VCP: variants seen among roughly 807,000 people sequenced by gnomAD.
The protein encoded by VCP is valosin containing protein, also known as transitional endoplasmic reticulum ATPase.
A neutral mutation model predicts 85.7 loss-of-function variants in VCP; 6 were observed. The observed-to-expected ratio is 0.07, with a 90% CI of 0.04 to 0.14. The LOEUF is 0.14. Among genes scored for constraint, VCP ranks in the 10% least tolerant of loss-of-function variants. The probability of loss-of-function intolerance (pLI) is 1.00; values close to 1 mark genes in which losing one functional copy is unlikely to be tolerated. For missense variants in VCP, 353 were observed against 1,043.4 expected, an observed-to-expected ratio of 0.34 and a Z score of 9.12; for synonymous variants, 384 against 367.1, an observed-to-expected ratio of 1.05 and a Z score of -0.53.
Position 35,068,068 on chromosome 9 carries a change from G to C in VCP, c.130-5C>G, listed in dbSNP as rs1439564200. On this transcript the variant is annotated splice_region_variant and splice_polypyrimidine_tract_variant and intron_variant, in intron 2 of 16. Transcript: ENST00000358901. ...CTGCAATTCATCCATCTTGGGCTGA[G>C]GAAAGAAAGTTAAGGCCTTTGGGTC... 1 of 1,614,212 alleles carries C rather than the reference G, an allele frequency of 6.2e-7. No homozygotes were observed. Among genetic ancestry groups the C allele is most frequent in the Non-Finnish European group, 8.5e-7 (1 of 1,180,050 alleles).
intron 16 of VCP, 25 bp downstream of exon 16, chr9:35,057,351 T>C (rs763970537): frequency 6.2e-7 from 1 of 1,614,210 alleles, no homozygotes; most frequent in Non-Finnish European, 8.5e-7. Context: ...ACTTAAGCAC[T>C]GTCTAATGCT....
chr9:35,068,306 C>T lies in VCP; in HGVS notation c.74G>A (p.Arg25Gln), dbSNP rs1190481931. The change falls in exon 2 of 17, where the codon CGG (arginine) becomes CAG (glutamine). Residue 25 changes from arginine to glutamine, a missense_variant. Arg to Gln is a conservative substitution (Grantham distance 43). This residue lies in a region of VCP where 69 missense variants were observed against 132.9 expected (regional missense o/e 0.52). Coordinates refer to ENST00000358901, the MANE Select transcript of VCP (RefSeq NM_007126.5). ...AILKQKNRPNRLIVDEAINED... is the reference protein window; with the variant it reads ...AILKQKNRPNQLIVDEAINED... ...ATTGATGGCTTCATCAACAATTAAC[C>T]GATTGGGACGGTTCTTCTGTTTGAG... 6.2e-7 allele frequency: 1 copy of T among 1,614,134 alleles called. No homozygotes were observed. Among genetic ancestry groups the T allele is most frequent in the Non-Finnish European group, 8.5e-7 (1 of 1,180,028 alleles).
chr9:35,063,736 A>C (rs1245828437), intron 6 of VCP, among the ~76,000 whole-genome samples: 2 of 152,348 alleles, frequency 1.3e-5, no homozygotes, highest in East Asian at 3.9e-4. Context: ...AATAGTTCTC[A>C]AATGTTTTAG....
Position 35,059,938 on chromosome 9 carries a change from G to C in VCP, c.1696-137C>G. On this transcript the variant is annotated intron_variant, in intron 13 of 16. Coordinates refer to ENST00000358901, the MANE Select transcript of VCP (RefSeq NM_007126.5). This position sits in a 1 kb window ranked among gnomAD's most constrained non-coding sequence, Gnocchi z 4.9. ...ACTTGAGGCCAGAAATCCGAAACCA[G>C]CATGGGCAACATACTGAGACTTTGT... 2 of 1,093,702 alleles carry C rather than the reference G, an allele frequency of 1.8e-6. No individual in the cohort carries two copies. The highest frequency in any genetic ancestry group is 2.7e-6 in the Non-Finnish European group (2 of 741,570). The allele number at this position is 1,093,702 out of a possible 1,614,324, so 67.7% of individuals were successfully genotyped here.
rs575080422 is a variant in VCP, at chr9:35,071,457, G to A, written c.17+880C>T. On this transcript the variant is annotated intron_variant, in intron 1 of 16. Transcript: ENST00000358901. ...TTCTCAATATAGCTGGTTGGGGAAA[G>A]GAGTGCGCGCACGTTTGTGTTTTTG... 2.0e-5 allele frequency among the ~76,000 whole-genome samples: 3 copies of A among 152,142 alleles called. No homozygotes were observed. In the South Asian group the frequency reaches 6.2e-4, roughly 32 times the overall value.
At chr9:35,072,116 C>G in intron 1 of VCP, 1 of 1,361,800 alleles carries the variant, frequency 7.3e-7, no homozygotes, top group Non-Finnish European at 9.4e-7. Context: ...GGCTCCGACC[C>G]GGACCCAACG....
intron 4 of VCP, 95 bp from the exon 5 acceptor site, chr9:35,065,476 T>C (rs1828810854): frequency 2.6e-6 from 4 of 1,538,704 alleles, no homozygotes; most frequent in African/African-American, 1.4e-5. Context: ...CCAAGCTCAT[T>C]AGATAGTGCC....
chr9:35,059,428 A>C lies in VCP; in HGVS notation c.2004+65T>G. ...CCAGTGGAATCTTGTCCAGAAACTA[A>C]AGAGCACTCCGTACCAGCCTGAGGA... On this transcript the variant is annotated intron_variant, in intron 14 of 16. Transcript: ENST00000358901. This position sits in a 1 kb window ranked among gnomAD's most constrained non-coding sequence, Gnocchi z 4.9. 2 of 1,595,984 alleles carry C rather than the reference A, an allele frequency of 1.3e-6. No individual in the cohort carries two copies. Among genetic ancestry groups the C allele is most frequent in the Non-Finnish European group, 8.5e-7 (1 of 1,169,932 alleles).
chr9:35,072,420 G>A lies in VCP; in HGVS notation c.-67C>T. 2 of 1,442,726 alleles carry A rather than the reference G, an allele frequency of 1.4e-6. No homozygotes were observed. Among genetic ancestry groups the A allele is most frequent in the Non-Finnish European group, 1.8e-6 (2 of 1,102,782 alleles). 89.4% of individuals were successfully genotyped at this position (1,442,726 alleles called of 1,614,324 possible). ...GTAACGGCTACGAGCGGTGGCAAGCGACCGACTGGGCCGGGGCTCGGCTCT... is the reference window on the plus strand; with the variant it reads ...GTAACGGCTACGAGCGGTGGCAAGCAACCGACTGGGCCGGGGCTCGGCTCT... On this transcript the variant is annotated 5_prime_UTR_variant, in exon 1 of 17. Transcript: ENST00000358901.
rs560275226 is a variant in VCP at position 35,072,535 on chromosome 9, G to A, written c.-182C>T. ...GGCAGCGAGGCGTCGGGCGAACAAC[G>A]CTGGCTCCTGATCCGCGAGGTGGCA... On this transcript the variant is annotated 5_prime_UTR_variant, in exon 1 of 17. Coordinates refer to ENST00000358901, the MANE Select transcript of VCP (RefSeq NM_007126.5). 3.4e-5 allele frequency: 24 copies of A among 715,992 alleles called. No homozygotes were observed. In the Admixed American group the frequency reaches 9.9e-4, roughly 29 times the overall value. The allele number at this position is 715,992 out of a possible 1,614,324, so 44.4% of individuals were successfully genotyped here.
At chr9:35,068,199 A>T (rs1321866265) in intron 2 of VCP, 52 bp downstream of exon 2, 1 of 1,608,292 alleles carries the variant, frequency 6.2e-7, no homozygotes, top group Non-Finnish European at 8.5e-7. Context: ...AACCTGGGAA[A>T]ATCCCTCAAG....
rs1430706449 is a variant in VCP at position 35,060,486 on chromosome 9, T to C, written c.1522A>G (p.Met508Val). The C allele has an allele frequency of 6.2e-7, 1 of 1,614,222 alleles. No homozygotes were observed. The highest frequency in any genetic ancestry group is 8.5e-7 in the Non-Finnish European group (1 of 1,180,042). Residue 508 changes from methionine (M) to valine (V), a missense_variant, in exon 13 of 17, where the codon ATG becomes GTG. By Grantham distance (21) the Met-to-Val change is conservative (BLOSUM62 1). Around this residue, in one of 8 missense-constraint regions of VCP, gnomAD observed 18 missense variants for 71.2 expected, o/e 0.25. Transcript: ENST00000358901. ...EHPDKFLKFGMTPSKGVLFYG... is the reference protein window; with the variant it reads ...EHPDKFLKFGVTPSKGVLFYG... The stretch of plus-strand genomic sequence containing the variant: ...AACAGAACTCCCTTGGAAGGTGTCA[T>C]GCCAAACTTCAGGAATTTGTCTGGG...
chr9:35,072,405 C>G lies in VCP; in HGVS notation c.-52G>C. ...TGTGGCGGCCCGCGGGTAACGGCTA[C>G]GAGCGGTGGCAAGCGACCGACTGGG... On this transcript the variant is annotated 5_prime_UTR_variant, in exon 1 of 17. Transcript: ENST00000358901. 1 of 1,462,786 alleles carries G rather than the reference C, an allele frequency of 6.8e-7. No individual in the cohort carries two copies. Among genetic ancestry groups the G allele is most frequent in the Non-Finnish European group, 9.0e-7 (1 of 1,113,222 alleles). 90.6% of individuals were successfully genotyped at this position (1,462,786 alleles called of 1,614,324 possible). A position where few individuals can be genotyped will look rare whatever the true frequency, so the allele number is the denominator to read the frequency against.
intron 8 of VCP, 32 bp downstream of exon 8, chr9:35,062,185 A>AC (rs1475324247): frequency 3.7e-6 from 6 of 1,613,306 alleles, no homozygotes; most frequent in African/African-American, 1.3e-5. Context: ...GGGCCTTTCA[A>AC]CCCCCCTCTA....
At chr9:35,070,824 T>C (rs963171692) in intron 1 of VCP, among the ~76,000 whole-genome samples, 3 of 152,130 alleles carry the variant, frequency 2.0e-5, no homozygotes, top group African/African-American at 7.2e-5. Context: ...AGATGAGTGG[T>C]ATGCCCTTTT....
At chr9:35,062,780 G>C (rs149059712) in intron 7 of VCP, among the ~76,000 whole-genome samples, 198 bp downstream of exon 7, 193 of 152,216 alleles carry the variant, frequency 1.3e-3, no homozygotes, top group African/African-American at 3.6e-3. Flanking sequence ...TTTCTCAAAG[G>C]GGGCAGGACA....
chr9:35,066,661 G>T lies in VCP; in HGVS notation c.445+14C>A, dbSNP rs1828839339. 1 of 1,613,930 alleles carries T rather than the reference G, an allele frequency of 6.2e-7. No homozygotes were observed. The highest frequency in any genetic ancestry group is 8.5e-7 in the Non-Finnish European group (1 of 1,179,956). ...CTACAGTCAATAATCCTTAAGCTCA[G>T]AATTAGCTCTCACCTTTCCGGATGG... is the stretch of plus-strand genomic sequence containing the variant. On this transcript the variant is annotated intron_variant, in intron 4 of 16. Coordinates refer to ENST00000358901, the MANE Select transcript of VCP (RefSeq NM_007126.5).
Position 35,059,640 on chromosome 9 carries a change from G to C in VCP, c.1857C>G (p.Ile619Met), listed in dbSNP as rs1457011497. Residue 619 changes from isoleucine (I) to methionine (M), a missense_variant, in exon 14 of 17, where the codon ATC becomes ATG. Physicochemically the swap from Ile to Met is conservative, Grantham distance 10 (BLOSUM62 1). Coordinates refer to ENST00000358901, the MANE Select transcript of VCP (RefSeq NM_007126.5). This position sits in a 1 kb window ranked among gnomAD's most constrained non-coding sequence, Gnocchi z 4.9. Reference sequence around the variant, plus strand: ...TGTCAGGCCGGTTGGTAGCGCCAATGATGAACACATTTTTTTTTGTGGACA... The same window carrying C: ...TGTCAGGCCGGTTGGTAGCGCCAATCATGAACACATTTTTTTTTGTGGACA... ...DGMSTKKNVF[I>M]IGATNRPDII... 6.2e-7 allele frequency: 1 copy of C among 1,614,164 alleles called. No individual in the cohort carries two copies. Among genetic ancestry groups the C allele is most frequent in the Admixed American group, 1.7e-5 (1 of 60,018 alleles).
intron 12 of VCP, 54 bp from the exon 13 acceptor site, chr9:35,060,579 C>A: frequency 6.3e-7 from 1 of 1,583,738 alleles, no homozygotes; most frequent in Admixed American, 1.7e-5. Context: ...TGAAAGAAAC[C>A]TAACTAAACA....
Sources: gnomAD v4.1 joint callset for allele counts (sites outside exome capture counted in the v4.1 genomes callset) on GRCh38, gnomAD v4.1.1 for gene constraint, gnomAD v4.1.1 regional missense constraint, Gnocchi (gnomAD v3.1) non-coding constraint, MANE v1.5 for transcripts, NCBI Gene and HGNC (gene_info 2026-07-23, HGNC 2026-07-21) for gene names.